C12orf42: variants seen among roughly 807,000 people sequenced by gnomAD.
C12orf42 encodes the protein chromosome 12 open reading frame 42, also known as uncharacterized protein C12orf42.
A neutral mutation model predicts 21.6 loss-of-function variants in C12orf42; 25 were observed. The ratio of observed to expected loss-of-function variants is 1.16; its 90% CI spans 0.84 to 1.62. The LOEUF is 1.62. C12orf42 is among the 40% of genes most tolerant of loss of function. The probability of loss-of-function intolerance (pLI) is 0.00; values close to 1 mark genes in which losing one functional copy is unlikely to be tolerated. For missense variants in C12orf42, 483 were observed against 459.3 expected, an observed-to-expected ratio of 1.05 and a Z score of -0.47; for synonymous variants, 174 against 175.0, an observed-to-expected ratio of 0.99 and a Z score of 0.05.
intron 4 of C12orf42, among the ~76,000 whole-genome samples, chr12:103,295,951 T>C (rs1456866650): frequency 6.6e-6 from 1 of 151,846 alleles, no homozygotes; most frequent in Non-Finnish European, 1.5e-5. Context: ...GCCATGTTGG[T>C]GTGCTGCACC....
the C12orf42 span, among the ~76,000 whole-genome samples, chr12:103,506,851 T>TATATATATA: frequency 2.9e-5 from 2 of 68,450 alleles, no homozygotes; most frequent in South Asian, 7.3e-4. Context: ...ATATATATAT[T>TATATATATA]TATATATTAT....
At chr12:103,181,256 A>G in the C12orf42 span, among the ~76,000 whole-genome samples, 1 of 151,654 alleles carries the variant, frequency 6.6e-6, no homozygotes, top group Non-Finnish European at 1.5e-5. Context: ...GCAAGACTCC[A>G]TCTAAAAAAA....
intron 2 of C12orf42, among the ~76,000 whole-genome samples, chr12:103,469,985 A>T (rs1953464070): frequency 1.3e-5 from 2 of 152,214 alleles, no homozygotes; most frequent in South Asian, 4.1e-4. Context: ...AAAATGAGTC[A>T]CTGAATACCA....
At chr12:103,443,092 T>C (rs534214468) in intron 2 of C12orf42, among the ~76,000 whole-genome samples, 2 of 152,268 alleles carry the variant, frequency 1.3e-5, no homozygotes, top group South Asian at 2.1e-4. Flanking sequence ...TAGTAACTTC[T>C]ATATATTAGA....
intron 3 of C12orf42, among the ~76,000 whole-genome samples, chr12:103,395,979 TG>T (rs2047496300): frequency 6.7e-6 from 1 of 148,656 alleles, no homozygotes; most frequent in African/African-American, 2.4e-5. Flanking sequence ...TATACTGTTA[TG>T]GTATACCATA....
chr12:103,360,999 G>A (rs976909605), intron 4 of C12orf42, among the ~76,000 whole-genome samples: 4 of 152,026 alleles, frequency 2.6e-5, no homozygotes, highest in Middle Eastern at 3.2e-3. Context: ...ACAGGGATCT[G>A]GGGGAAAAAA....
At chr12:103,224,633 G>A in the C12orf42 span, among the ~76,000 whole-genome samples, 1 of 151,990 alleles carries the variant, frequency 6.6e-6, no homozygotes, top group Admixed American at 6.6e-5. Flanking sequence ...GAAGGAGCCG[G>A]GGAGCAGAAA....
At chr12:103,299,929 A>G (rs2037539241), downstream of C12orf42, among the ~76,000 whole-genome samples, 1 of 152,186 alleles carries the variant, frequency 6.6e-6, no homozygotes, top group South Asian at 2.1e-4. Flanking sequence ...TTTTCTCCCA[A>G]ACATGTGCAT....
At chr12:103,468,624 C>T (rs373272652) in intron 2 of C12orf42, among the ~76,000 whole-genome samples, 2 of 152,130 alleles carry the variant, frequency 1.3e-5, no homozygotes, top group South Asian at 2.1e-4. Flanking sequence ...CAGGAGGCAG[C>T]GACTTTAGAA....
chr12:103,308,371 C>G (rs2038591047), intron 4 of C12orf42, among the ~76,000 whole-genome samples: 2 of 152,114 alleles, frequency 1.3e-5, no homozygotes, highest in Admixed American at 1.3e-4. Context: ...AATTCAAACT[C>G]TGGGTAACTT....
At chr12:103,497,327 G>C (rs1348753798), upstream of C12orf42, among the ~76,000 whole-genome samples, 1 of 152,172 alleles carries the variant, frequency 6.6e-6, no homozygotes, top group Non-Finnish European at 1.5e-5. Flanking sequence ...TGAGAGTTCT[G>C]AGAAGACATG....
chr12:103,116,136 CA>C, the C12orf42 span, among the ~76,000 whole-genome samples: 2 of 151,968 alleles, frequency 1.3e-5, no homozygotes, highest in African/African-American at 4.8e-5. Flanking sequence ...CCAAGGCGGG[CA>C]GATTACCTGA....
chr12:103,451,122 C>T (rs189571407), intron 2 of C12orf42, among the ~76,000 whole-genome samples: 73 of 152,190 alleles, frequency 4.8e-4, no homozygotes, highest in African/African-American at 1.7e-3. Flanking sequence ...TTGAGCACAA[C>T]TTCAAATTTA....
At chr12:103,246,765 A>C (rs527476610) in intron 10 of C12orf42, among the ~76,000 whole-genome samples, 1 of 149,616 alleles carries the variant, frequency 6.7e-6, no homozygotes, top group African/African-American at 2.5e-5. Context: ...AAAGCAGAGA[A>C]GAATAAAAAT....
intron 4 of C12orf42, among the ~76,000 whole-genome samples, chr12:103,361,862 G>A (rs1344721039): frequency 6.6e-6 from 1 of 151,948 alleles, no homozygotes; most frequent in African/African-American, 2.4e-5. Flanking sequence ...CTCACCCAAG[G>A]GGAGTCTAAG....
chr12:103,085,275 G>A, the C12orf42 span, among the ~76,000 whole-genome samples: 79 of 152,166 alleles, frequency 5.2e-4, no homozygotes, highest in African/African-American at 1.8e-3. Flanking sequence ...AGTCTCTTAG[G>A]TTTACTTTTA....
the C12orf42 span, among the ~76,000 whole-genome samples, chr12:103,111,957 C>CA: frequency 3.3e-5 from 5 of 152,226 alleles, no homozygotes; most frequent in African/African-American, 1.2e-4. Context: ...TCTAGCCTGA[C>CA]ATTCCATGGA....
chr12:103,442,946 A>G (rs1394628451), intron 2 of C12orf42, among the ~76,000 whole-genome samples: 1 of 152,158 alleles, frequency 6.6e-6, no homozygotes, highest in Non-Finnish European at 1.5e-5. Flanking sequence ...GTTTTGCCCT[A>G]CATTCTGAGA....
the C12orf42 span, among the ~76,000 whole-genome samples, chr12:103,144,511 A>G: frequency 5.3e-5 from 8 of 152,226 alleles, no homozygotes; most frequent in Non-Finnish European, 1.5e-5. Flanking sequence ...CAGAGAGTAC[A>G]GTTTTCTGAT....
Sources: allele counts gnomAD v4.1 joint callset (sites outside exome capture counted in the v4.1 genomes callset), GRCh38; gene constraint gnomAD v4.1.1; transcripts MANE v1.5; gene names NCBI Gene and HGNC (gene_info 2026-07-23, HGNC 2026-07-21).